NBEA: variants seen among roughly 807,000 people sequenced by gnomAD.
The protein encoded by NBEA is lysosomal-trafficking regulator 2.
In NBEA, 44 loss-of-function variants were observed where a neutral mutation model predicts 343.4. That is an observed-to-expected ratio of 0.13 (90% confidence interval 0.10 to 0.16). The LOEUF (loss-of-function observed/expected upper bound fraction) is 0.16, where lower values mean the gene tolerates loss of function less well. Ranked by LOEUF, NBEA falls within the 10% of genes least tolerant of loss-of-function variation. NBEA has a pLI of 1.00. For synonymous variants in NBEA, 1,175 were observed against 1,238.7 expected (o/e 0.95, Z 1.08); for missense variants, 2,555 against 3,631.3 (o/e 0.70, Z 7.62).
intron 38 of NBEA, 150 bp from the exon 39 acceptor site, chr13:35,432,119 T>C (rs988916988): frequency 2.1e-5 from 9 of 430,198 alleles, no homozygotes; most frequent in African/African-American, 1.8e-4. Context: ...TGTATATATA[T>C]ACACAAATAC....
intron 17 of NBEA, among the ~76,000 whole-genome samples, chr13:35,141,260 C>CT (rs1555316830): frequency 1.3e-5 from 2 of 151,754 alleles, no homozygotes; most frequent in African/African-American, 4.8e-5. Context: ...ATTTTGAATT[C>CT]TTTTTTTGTT....
intron 17 of NBEA, among the ~76,000 whole-genome samples, chr13:35,132,230 T>C (rs1391460227): frequency 6.6e-6 from 1 of 152,172 alleles, no homozygotes; most frequent in Non-Finnish European, 1.5e-5. Context: ...CGATCTCCGC[T>C]CACTGAAACC....
chr13:35,481,155 T>C (rs946035845), intron 41 of NBEA, among the ~76,000 whole-genome samples: 3 of 151,984 alleles, frequency 2.0e-5, no homozygotes, highest in African/African-American at 7.2e-5. Flanking sequence ...TATAGTCACA[T>C]TTGTAGTGAA....
intron 10 of NBEA, among the ~76,000 whole-genome samples, chr13:35,081,694 G>A (rs1286462013): frequency 6.6e-6 from 1 of 151,958 alleles, no homozygotes; most frequent in Admixed American, 6.6e-5. Flanking sequence ...AAGAACAGAA[G>A]ATTTTTTATA....
chr13:34,992,492 C>T lies in NBEA; in HGVS notation c.295-48441C>T, dbSNP rs139622663. 7.9e-5 allele frequency among the ~76,000 whole-genome samples: 12 copies of T among 151,370 alleles called. No homozygotes were observed. In the East Asian group the frequency reaches 1.8e-3, roughly 22 times the overall value. ...GCTGGTCTTGAACTCCTGACCACCA[C>T]GCCCGGCCAAGAAGCAAATAATTTT... On this transcript the variant is annotated intron_variant, in intron 1 of 58. Coordinates refer to ENST00000379939, the MANE Select transcript of NBEA (RefSeq NM_001385012.1).
chr13:35,605,131 A>G (rs1178999503), intron 47 of NBEA, among the ~76,000 whole-genome samples: 1 of 152,206 alleles, frequency 6.6e-6, no homozygotes, highest in African/African-American at 2.4e-5. Context: ...TTCTATTTAA[A>G]TAGAAGAAAA....
At chr13:35,181,934 A>T (rs1311708098) in intron 28 of NBEA, among the ~76,000 whole-genome samples, 1 of 151,522 alleles carries the variant, frequency 6.6e-6, no homozygotes, top group Non-Finnish European at 1.5e-5. Context: ...CTAGGATTTT[A>T]TATGTATTTC....
intron 37 of NBEA, among the ~76,000 whole-genome samples, chr13:35,350,289 A>C (rs771407774): frequency 1.3e-5 from 2 of 152,304 alleles, no homozygotes; most frequent in African/African-American, 4.8e-5. Flanking sequence ...CCAAGGTGAC[A>C]TTAAGCCAAG....
intron 10 of NBEA, among the ~76,000 whole-genome samples, chr13:35,087,596 G>A (rs925855726): frequency 9.2e-5 from 14 of 151,720 alleles, no homozygotes; most frequent in African/African-American, 3.4e-4. Flanking sequence ...TTTTTCAATA[G>A]TAGGCAAGGA....
At chr13:35,528,462 G>A (rs147624195) in intron 41 of NBEA, among the ~76,000 whole-genome samples, 3,753 of 152,232 alleles carry the variant, frequency 0.025, 69 homozygotes, top group Middle Eastern at 0.082. Context: ...ACAATTGTAG[G>A]CAAATTTGGA....
intron 35 of NBEA, among the ~76,000 whole-genome samples, chr13:35,301,988 T>C (rs1304951533): frequency 6.6e-6 from 1 of 152,196 alleles, no homozygotes; most frequent in Non-Finnish European, 1.5e-5. Flanking sequence ...TAGTGCTGTC[T>C]GTATGGCTAA....
At chr13:35,563,341 A>C (rs1416172801) in intron 44 of NBEA, among the ~76,000 whole-genome samples, 1 of 151,968 alleles carries the variant, frequency 6.6e-6, no homozygotes, top group Non-Finnish European at 1.5e-5. Flanking sequence ...CATGAGTATT[A>C]CTTTGGAAAT....
intron 34 of NBEA, among the ~76,000 whole-genome samples, chr13:35,245,373 T>C (rs920404293): frequency 2.0e-5 from 3 of 152,160 alleles, no homozygotes; most frequent in Admixed American, 6.6e-5. Context: ...TAATTTTGTT[T>C]TATAGGTTAT....
chr13:35,220,957 CT>C (rs970678915), intron 33 of NBEA, among the ~76,000 whole-genome samples: 2 of 152,096 alleles, frequency 1.3e-5, no homozygotes, highest in African/African-American at 4.8e-5. Flanking sequence ...CTATAGTCTA[CT>C]TTACTAATTA....
At chr13:35,115,124 A>G (rs1377836134) in intron 13 of NBEA, among the ~76,000 whole-genome samples, 3 of 152,216 alleles carry the variant, frequency 2.0e-5, no homozygotes, top group East Asian at 1.9e-4. Context: ...AGCAAGTGAA[A>G]TCATACAAAG....
At chr13:35,260,974 C>T (rs537713126) in intron 34 of NBEA, among the ~76,000 whole-genome samples, 12 of 152,194 alleles carry the variant, frequency 7.9e-5, no homozygotes, top group South Asian at 4.1e-4. Context: ...CAAATTGTTT[C>T]GCCAGTAACT....
At chr13:35,449,809 C>T (rs1176108892) in intron 39 of NBEA, among the ~76,000 whole-genome samples, 4 of 152,196 alleles carry the variant, frequency 2.6e-5, no homozygotes, top group Non-Finnish European at 5.9e-5. Flanking sequence ...TTCCCCTCCC[C>T]TCCAATGTAG....
chr13:35,455,809 C>G (rs1256216134), intron 40 of NBEA, among the ~76,000 whole-genome samples: 10 of 152,054 alleles, frequency 6.6e-5, no homozygotes, highest in African/African-American at 2.4e-4. Flanking sequence ...GATTAAGTAA[C>G]TTGCCTAAGG....
At chr13:35,301,275 A>G (rs1298093566) in intron 35 of NBEA, among the ~76,000 whole-genome samples, 2 of 151,874 alleles carry the variant, frequency 1.3e-5, no homozygotes, top group East Asian at 3.9e-4. Flanking sequence ...GCACCTGTCA[A>G]CCCGTCATCT....
Sources: gnomAD v4.1 joint callset for allele counts (sites outside exome capture counted in the v4.1 genomes callset) on GRCh38, gnomAD v4.1.1 for gene constraint, MANE v1.5 for transcripts, NCBI Gene and HGNC (gene_info 2026-07-23, HGNC 2026-07-21) for gene names.